Variants in SGTB observed in about 807,000 individuals in gnomAD.
SGTB encodes the protein small glutamine-rich tetratricopeptide repeat-containing protein beta.
Under a neutral mutation model 43.9 loss-of-function variants are expected in SGTB, and 19 were observed. That is an observed-to-expected ratio of 0.43 (90% confidence interval 0.30 to 0.63). SGTB has a LOEUF of 0.63. SGTB is among the 30% of genes least tolerant of loss of function. SGTB has a pLI of 0.12. For synonymous variants in SGTB, 116 were observed against 117.3 expected, an observed-to-expected ratio of 0.99 and a Z score of 0.07; for missense variants, 304 against 358.9, an observed-to-expected ratio of 0.85 and a Z score of 1.24.
chr5:65,680,600 T>G (rs759874678), intron 7 of SGTB, 44 bp from the exon 8 acceptor site: 2 of 1,613,854 alleles, frequency 1.2e-6, no homozygotes, highest in East Asian at 4.5e-5. Flanking sequence ...TATCTACAAT[T>G]ACAATAAATT....
intron 4 of SGTB, among the ~76,000 whole-genome samples, chr5:65,708,168 T>C (rs1757971331): frequency 6.6e-6 from 1 of 152,238 alleles, no homozygotes; most frequent in Non-Finnish European, 1.5e-5. Flanking sequence ...GAAAACTATT[T>C]TCCTCTTTTT....
intron 10 of SGTB, among the ~76,000 whole-genome samples, chr5:65,671,355 A>T (rs1757149974): frequency 6.6e-6 from 1 of 152,152 alleles, no homozygotes; most frequent in East Asian, 1.9e-4. Context: ...GTAAGCAGAG[A>T]TACAGTATTG....
At chr5:65,717,437 T>G (rs149366226) in intron 2 of SGTB, among the ~76,000 whole-genome samples, 2 of 151,526 alleles carry the variant, frequency 1.3e-5, no homozygotes, top group African/African-American at 4.8e-5. Context: ...ATAACTAAAG[T>G]GATATCCTGG....
At chr5:65,674,755 A>C (rs1200922140) in intron 8 of SGTB, among the ~76,000 whole-genome samples, 1 of 152,164 alleles carries the variant, frequency 6.6e-6, no homozygotes, top group Non-Finnish European at 1.5e-5. Context: ...TCTGAAACTA[A>C]AAGAATTCCA....
chr5:65,698,911 G>C (rs2150715571), intron 5 of SGTB, among the ~76,000 whole-genome samples: 1 of 152,290 alleles, frequency 6.6e-6, no homozygotes, highest in Non-Finnish European at 1.5e-5. Flanking sequence ...GGTGAAAAGG[G>C]AATGCTCATA....
At chr5:65,677,350 CAAAA>C (rs779583231) in intron 8 of SGTB, among the ~76,000 whole-genome samples, 2 of 98,172 alleles carry the variant, frequency 2.0e-5, no homozygotes, top group Non-Finnish European at 4.5e-5. Context: ...GCCTACCAAC[CAAAA>C]AAAAAAAAAA....
intron 5 of SGTB, among the ~76,000 whole-genome samples, chr5:65,703,764 G>A (rs942196005): frequency 6.6e-5 from 10 of 151,120 alleles, no homozygotes; most frequent in African/African-American, 1.5e-4. Context: ...TAGGCCGGGC[G>A]CGGTGGCTCA....
chr5:65,685,158 G>A (rs1042428118), intron 6 of SGTB, among the ~76,000 whole-genome samples: 6 of 152,070 alleles, frequency 3.9e-5, no homozygotes, highest in Non-Finnish European at 8.8e-5. Context: ...TTTGTGGTAC[G>A]GTTATATAAT....
intron 6 of SGTB, among the ~76,000 whole-genome samples, chr5:65,683,942 T>C (rs1757448732): frequency 7.0e-6 from 1 of 142,934 alleles, no homozygotes; most frequent in Non-Finnish European, 1.5e-5. Context: ...CGAGACTCTG[T>C]CTCAAAAAAA....
chr5:65,675,165 C>T (rs1279344037), intron 8 of SGTB, among the ~76,000 whole-genome samples: 2 of 152,118 alleles, frequency 1.3e-5, no homozygotes, highest in African/African-American at 2.4e-5. Flanking sequence ...TGGACCAGAG[C>T]GTGTATGTTC....
In SGTB at chr5:65,684,440, T is replaced by C. The variant is rs79441709; in HGVS notation, c.479+928A>G. 8.6e-3 allele frequency among the ~76,000 whole-genome samples: 1,314 copies of C among 152,238 alleles called. 24 individuals are homozygous for C. Among genetic ancestry groups the C allele is most frequent in the African/African-American group, 0.03 (1,244 of 41,536 alleles). ...GCCAACCATTATCATCTATTAGAGA[T>C]GGAAGATCTAATGTTGTAGAAAATG... On this transcript the variant is annotated intron_variant, in intron 6 of 10. Transcript: ENST00000381007.
chr5:65,709,613 G>A (rs756145326), intron 3 of SGTB, among the ~76,000 whole-genome samples: 1 of 152,084 alleles, frequency 6.6e-6, no homozygotes, highest in East Asian at 1.9e-4. Flanking sequence ...TCTTGACCTC[G>A]TGATCCACCC....
At chr5:65,708,836 T>C (rs1310108339) in intron 3 of SGTB, among the ~76,000 whole-genome samples, 2 of 151,808 alleles carry the variant, frequency 1.3e-5, no homozygotes, top group Non-Finnish European at 2.9e-5. Context: ...AGCTCAGGAG[T>C]TCGAGACCAG....
intron 3 of SGTB, among the ~76,000 whole-genome samples, chr5:65,711,604 G>A (rs979079958): frequency 3.2e-4 from 48 of 152,234 alleles, no homozygotes; most frequent in African/African-American, 1.0e-3. Flanking sequence ...GCTCCCTGAT[G>A]AGGAACAGAG....
intron 2 of SGTB, among the ~76,000 whole-genome samples, chr5:65,718,495 A>G (rs763397742): frequency 9.9e-5 from 15 of 152,230 alleles, no homozygotes; most frequent in Non-Finnish European, 1.8e-4. Context: ...AGAGAGTGAC[A>G]GTGAGCAGGA....
At chr5:65,697,534 A>G (rs1757736165) in intron 5 of SGTB, among the ~76,000 whole-genome samples, 1 of 152,224 alleles carries the variant, frequency 6.6e-6, no homozygotes, top group Non-Finnish European at 1.5e-5. Context: ...AAGACTGCAT[A>G]TGTTAAAACA....
Position 65,666,861 on chromosome 5 carries a change from T to C in SGTB, c.*3385A>G, listed in dbSNP as rs1479401594. On this transcript the variant is annotated 3_prime_UTR_variant, in exon 11 of 11. Coordinates refer to ENST00000381007, the MANE Select transcript of SGTB (RefSeq NM_019072.3). ...TAATTTAACTACAGATGTTAGCACATGAAGACATTGTTTTAAAGTTTTTTT... is the reference window on the plus strand; with the variant it reads ...TAATTTAACTACAGATGTTAGCACACGAAGACATTGTTTTAAAGTTTTTTT... The C allele has an allele frequency of 2.0e-5, 3 of 152,230 alleles. No individual in the cohort carries two copies. The highest frequency in any genetic ancestry group is 7.2e-5 in the African/African-American group (3 of 41,474). 9.4% of individuals were successfully genotyped at this position (152,230 alleles called of 1,614,324 possible).
intron 5 of SGTB, among the ~76,000 whole-genome samples, chr5:65,690,271 T>C (rs886540671): frequency 2.6e-5 from 4 of 151,980 alleles, no homozygotes; most frequent in Admixed American, 1.3e-4. Context: ...TGACCCTGTG[T>C]CTACGAAAAA....
At chr5:65,685,989 T>C (rs1470264227) in intron 5 of SGTB, among the ~76,000 whole-genome samples, 1 of 152,230 alleles carries the variant, frequency 6.6e-6, no homozygotes, top group Non-Finnish European at 1.5e-5. Flanking sequence ...GTTCTCATAA[T>C]CTTGTCCCTC....
Sources: allele counts gnomAD v4.1 joint callset (sites outside exome capture counted in the v4.1 genomes callset), GRCh38; gene constraint gnomAD v4.1.1; transcripts MANE v1.5; gene names NCBI Gene and HGNC (gene_info 2026-07-23, HGNC 2026-07-21).